Variants in CTBP1 observed in about 807,000 individuals in gnomAD.
CTBP1 encodes C-terminal binding protein 1.
A neutral mutation model predicts 42.1 loss-of-function variants in CTBP1; 11 were observed. The observed-to-expected ratio is 0.26, with a 90% CI of 0.16 to 0.43. The LOEUF (loss-of-function observed/expected upper bound fraction) is 0.43, where lower values mean the gene tolerates loss of function less well. CTBP1 is among the 20% of genes least tolerant of loss of function. The probability of loss-of-function intolerance (pLI) is 1.00; values close to 1 mark genes in which losing one functional copy is unlikely to be tolerated. For synonymous variants in CTBP1, 324 were observed against 277.1 expected, an observed-to-expected ratio of 1.17 and a Z score of -1.68; for missense variants, 399 against 624.3, an observed-to-expected ratio of 0.64 and a Z score of 3.85.
upstream of CTBP1, chr4:1,249,431 GAGAC>G (rs1733121182): frequency 6.5e-6 from 1 of 152,738 alleles, no homozygotes. Flanking sequence ...CCCGGAAGCC[GAGAC>G]AGGGCCGCCC....
rs572641436 is a variant in CTBP1 at position 1,239,214 on chromosome 4, C to T, written c.8-877G>A. Among the ~76,000 whole-genome samples the T allele has an allele frequency of 2.0e-5, 3 of 152,318 alleles. No homozygotes were observed. In the South Asian group the frequency reaches 6.2e-4, roughly 32 times the overall value. Reference sequence around the variant, plus strand: ...AACTGGAGAAATAAGGGCTCTGAGGCGTCACAGAAGCATGGCAGCTTCCAG... The same window carrying T: ...AACTGGAGAAATAAGGGCTCTGAGGTGTCACAGAAGCATGGCAGCTTCCAG... On this transcript the variant is annotated intron_variant, in intron 2 of 9. Transcript: ENST00000382952.
At chr4:1,231,497 C>T (rs1730963115) in intron 3 of CTBP1, among the ~76,000 whole-genome samples, 1 of 152,228 alleles carries the variant, frequency 6.6e-6, no homozygotes, top group African/African-American at 2.4e-5. Context: ...GCTCGGCTGC[C>T]ACCGGGCTGG....
chr4:1,244,875 C>A (rs2108803836), intron 1 of CTBP1: 2 of 985,440 alleles, frequency 2.0e-6, no homozygotes, highest in Non-Finnish European at 1.2e-6. Context: ...CAGCCAGGGG[C>A]TGACATGAAC....
intron 1 of CTBP1, among the ~76,000 whole-genome samples, chr4:1,247,700 G>A (rs1444172979): frequency 1.3e-5 from 2 of 148,618 alleles, no homozygotes; most frequent in Non-Finnish European, 3.0e-5. Context: ...AGCCGCCAGC[G>A]CCGTTTTCTT....
intron 4 of CTBP1, among the ~76,000 whole-genome samples, chr4:1,226,364 G>T (rs1426949430): frequency 6.6e-6 from 1 of 152,182 alleles, no homozygotes; most frequent in Non-Finnish European, 1.5e-5. Flanking sequence ...GGAGGGGGCA[G>T]GAGGCCAGGA....
Position 1,235,336 on chromosome 4 carries a change from C to G in CTBP1, c.162+2847G>C, listed in dbSNP as rs1048177762. 2.6e-5 allele frequency: 4 copies of G among 152,118 alleles called. No individual in the cohort carries two copies. The highest frequency in any genetic ancestry group is 4.8e-5 in the African/African-American group (2 of 41,304). The allele number at this position is 152,118 out of a possible 1,614,324, so 9.4% of individuals were successfully genotyped here. A position where few individuals can be genotyped will look rare whatever the true frequency, so the allele number is the denominator to read the frequency against. ...GAATCTTCCAGAGCGAACGCCCCAG[C>G]AGACGCTCCCGGCAGACCACGCGCA... On this transcript the variant is annotated intron_variant, in intron 3 of 9. Transcript: ENST00000382952. The surrounding 1 kb of genome is among the most constrained non-coding windows in gnomAD (Gnocchi z 4.2).
upstream of CTBP1, chr4:1,249,352 AGTCGGGCAGG>A (rs1733114087): frequency 6.6e-6 from 1 of 150,646 alleles, no homozygotes; most frequent in African/African-American, 2.4e-5. Flanking sequence ...TCCCCGAGGA[AGTCGGGCAGG>A]GTCGGGCCGG....
intron 1 of CTBP1, among the ~76,000 whole-genome samples, chr4:1,245,942 A>C (rs1732675581): frequency 6.6e-6 from 1 of 152,176 alleles, no homozygotes; most frequent in African/African-American, 2.4e-5. Context: ...ACCCGTGAGA[A>C]CTGGTACCAC....
chr4:1,229,816 T>G (rs1236567025), intron 3 of CTBP1, among the ~76,000 whole-genome samples: 3 of 152,170 alleles, frequency 2.0e-5, no homozygotes, highest in Non-Finnish European at 4.4e-5. Context: ...CCTTTGAGGC[T>G]GGCACAGCCT....
intron 4 of CTBP1, among the ~76,000 whole-genome samples, chr4:1,227,810 C>T (rs1730542388): frequency 6.6e-6 from 1 of 152,204 alleles, no homozygotes; most frequent in Non-Finnish European, 1.5e-5. Context: ...TGCACACGTA[C>T]TGGGTTGCAA....
intron 6 of CTBP1, among the ~76,000 whole-genome samples, 158 bp from the exon 7 acceptor site, chr4:1,214,631 C>T (rs558078745): frequency 8.5e-5 from 13 of 152,366 alleles, no homozygotes; most frequent in Admixed American, 3.3e-4. Context: ...CTGAAGGCCT[C>T]GGGCGTGCTG....
intron 1 of CTBP1, chr4:1,243,702 C>T (rs1732424536): frequency 7.1e-6 from 7 of 985,464 alleles, no homozygotes; most frequent in Middle Eastern, 1.0e-3. Flanking sequence ...CTCCTACGGC[C>T]TTCCTGGCTG....
chr4:1,212,200 C>CAGAG lies in CTBP1; in HGVS notation c.*39_*40insCTCT. 7.2e-7 allele frequency: 1 copy of CAGAG among 1,392,118 alleles called. No homozygotes were observed. Among genetic ancestry groups the CAGAG allele is most frequent in the Non-Finnish European group, 9.4e-7 (1 of 1,065,682 alleles). 86.2% of individuals were successfully genotyped at this position (1,392,118 alleles called of 1,614,324 possible). A position where few individuals can be genotyped will look rare whatever the true frequency, so the allele number is the denominator to read the frequency against. ...ACACTCTGGTCCGAGGGTTTCCGGG[C>CAGAG]CCTCTGCCCAGGCGCCGAGGCTGGA... is the stretch of plus-strand genomic sequence containing the variant. On this transcript the variant is annotated 3_prime_UTR_variant, in exon 10 of 10. Transcript: ENST00000382952.
intron 1 of CTBP1, chr4:1,244,692 C>T (rs369596131): frequency 1.1e-5 from 11 of 985,286 alleles, no homozygotes; most frequent in South Asian, 4.7e-5. Context: ...GTGGTCTCAG[C>T]GGCCCTCACC....
intron 5 of CTBP1, chr4:1,217,262 G>A (rs1340113372): frequency 2.0e-5 from 3 of 152,350 alleles, no homozygotes; most frequent in African/African-American, 7.2e-5. Flanking sequence ...GAAGAGCTGA[G>A]GACCGTCTAA....
intron 2 of CTBP1, 79 bp downstream of exon 2, chr4:1,241,246 G>A (rs892328135): frequency 6.4e-6 from 5 of 781,062 alleles, no homozygotes; most frequent in Admixed American, 3.4e-5. Flanking sequence ...GACTTGATCC[G>A]AGGCAGTGCC....
chr4:1,225,541 C>A lies in CTBP1; in HGVS notation c.333G>T (p.Ala111=). The A allele has an allele frequency of 1.3e-6, 2 of 1,542,802 alleles. No individual in the cohort carries two copies. The highest frequency in any genetic ancestry group is 1.7e-6 in the Non-Finnish European group (2 of 1,146,562). Reference sequence around the variant, plus strand: ...AGTCGGCCGTCTCCTCCACAGACGCCGCGGGCACGTTGCAGACGGCAATGC... The same window carrying A: ...AGTCGGCCGTCTCCTCCACAGACGCAGCGGGCACGTTGCAGACGGCAATGC... The part of the protein sequence containing the change: ...DLGIAVCNVP[A]ASVEETADST... The change falls in exon 5 of 10, where the codon GCG becomes GCT. Residue 111 remains alanine, a synonymous_variant. Coordinates refer to ENST00000382952, the MANE Select transcript of CTBP1 (RefSeq NM_001012614.2).
intron 5 of CTBP1, among the ~76,000 whole-genome samples, chr4:1,220,776 T>C (rs968005375): frequency 6.6e-6 from 1 of 152,234 alleles, no homozygotes; most frequent in African/African-American, 2.4e-5. Context: ...CGCAGCGACC[T>C]GCCATCCCGG....
At chr4:1,240,999 G>A (rs1732119217) in intron 2 of CTBP1, among the ~76,000 whole-genome samples, 2 of 152,222 alleles carry the variant, frequency 1.3e-5, no homozygotes, top group Admixed American at 1.3e-4. Flanking sequence ...GATTTCCAGG[G>A]TTCCGTGTGG....
Sources: allele counts gnomAD v4.1 joint callset (sites outside exome capture counted in the v4.1 genomes callset), GRCh38; gene constraint gnomAD v4.1.1; non-coding constraint Gnocchi (gnomAD v3.1); transcripts MANE v1.5; gene names NCBI Gene and HGNC (gene_info 2026-07-23, HGNC 2026-07-21).